The following ITPR1 variants were observed in gnomAD, a reference collection of about 807,000 sequenced individuals.
The protein encoded by ITPR1 is inositol 1,4,5-trisphosphate receptor type 1.
A neutral mutation model predicts 318.4 loss-of-function variants in ITPR1; 96 were observed. That is an observed-to-expected ratio of 0.30 (90% confidence interval 0.26 to 0.36). The LOEUF (loss-of-function observed/expected upper bound fraction) is 0.36, where lower values mean the gene tolerates loss of function less well. Among genes scored for constraint, ITPR1 ranks in the 10% least tolerant of loss-of-function variants. The probability of loss-of-function intolerance (pLI) is 1.00; values close to 1 mark genes in which losing one functional copy is unlikely to be tolerated. For synonymous variants in ITPR1, 1,312 were observed against 1,289.9 expected (o/e 1.02, Z -0.37); for missense variants, 2,440 against 3,460.2 (o/e 0.71, Z 7.40).
At chr3:4,714,563 T>A (rs1452935415) in intron 39 of ITPR1, among the ~76,000 whole-genome samples, 1 of 152,206 alleles carries the variant, frequency 6.6e-6, no homozygotes, top group African/African-American at 2.4e-5. Flanking sequence ...GAAGTCTAGA[T>A]GAGATCAAGA....
intron 3 of ITPR1, among the ~76,000 whole-genome samples, chr3:4,519,200 C>T (rs1233013355): frequency 6.6e-6 from 1 of 152,098 alleles, no homozygotes; most frequent in African/African-American, 2.4e-5. Flanking sequence ...CTTACCACTT[C>T]CTCCCCATTT....
intron 4 of ITPR1, among the ~76,000 whole-genome samples, chr3:4,543,190 A>C (rs1456053722): frequency 1.3e-5 from 2 of 150,166 alleles, no homozygotes; most frequent in Non-Finnish European, 3.0e-5. Flanking sequence ...GGATTGCTTG[A>C]CCCCAAGGCT....
At chr3:4,669,512 A>C (rs2094025906) in intron 18 of ITPR1, 142 bp from the exon 19 acceptor site, 1 of 665,752 alleles carries the variant, frequency 1.5e-6, no homozygotes, top group African/African-American at 1.9e-5. Context: ...TGATGCCATA[A>C]ACATTGGCAT....
intron 10 of ITPR1, among the ~76,000 whole-genome samples, chr3:4,648,241 T>G (rs1454573939): frequency 1.3e-5 from 2 of 152,222 alleles, no homozygotes; most frequent in Non-Finnish European, 2.9e-5. Flanking sequence ...AAGTTTTTGT[T>G]AATTCCCACC....
At chr3:4,728,780 A>G (rs2042704479) in intron 42 of ITPR1, among the ~76,000 whole-genome samples, 1 of 152,158 alleles carries the variant, frequency 6.6e-6, no homozygotes, top group Non-Finnish European at 1.5e-5. Flanking sequence ...GGGTAGCCAG[A>G]TGCACCTGTA....
chr3:4,502,294 A>G (rs1279933019), intron 2 of ITPR1, among the ~76,000 whole-genome samples: 1 of 152,210 alleles, frequency 6.6e-6, no homozygotes, highest in East Asian at 1.9e-4. Context: ...CCAGGGCCCT[A>G]AAACCTATTT....
In ITPR1 at chr3:4,685,146, G is replaced by A. The variant is rs769075214; in HGVS notation, c.3642G>A (p.Leu1214=). ...VRKSRKQQQR[L]LRNMGAHAVV... is the part of the protein sequence containing the mutation. Reference sequence around the variant, plus strand: ...AGAGCAGGAAGCAGCAACAGCGTCTGCTCCGGAACATGGGCGCGCACGCCG... The same window carrying A: ...AGAGCAGGAAGCAGCAACAGCGTCTACTCCGGAACATGGGCGCGCACGCCG... Residue 1214 remains leucine (L), a synonymous_variant, in exon 30 of 62, where the codon CTG becomes CTA. Transcript: ENST00000649015. 6.8e-6 allele frequency: 11 copies of A among 1,609,826 alleles called. No individual in the cohort carries two copies. The highest frequency in any genetic ancestry group is 1.7e-5 in the Admixed American group (1 of 59,716).
rs1575277442 is a variant in ITPR1 at position 4,794,884 on chromosome 3, A to G, written c.6809-181A>G. On this transcript the variant is annotated intron_variant, in intron 52 of 61. Coordinates refer to ENST00000649015, the MANE Select transcript of ITPR1 (RefSeq NM_001378452.1). ...GTTCCAGTAAGTACTCCACACAGAA[A>G]TAAACCAATCTGATGTCATTATGTA... 1.9e-5 allele frequency: 12 copies of G among 630,902 alleles called. No homozygotes were observed. The South Asian group carries it at 2.6e-4, about 14-fold the overall frequency. 39.1% of individuals were successfully genotyped at this position (630,902 alleles called of 1,614,324 possible).
At chr3:4,737,187 GT>G in intron 44 of ITPR1, among the ~76,000 whole-genome samples, 1 of 152,244 alleles carries the variant, frequency 6.6e-6, no homozygotes, top group East Asian at 1.9e-4. Context: ...AGCTTTACCA[GT>G]TTGAGAAATC....
chr3:4,537,944 T>C (rs1030685925), intron 4 of ITPR1, among the ~76,000 whole-genome samples: 1 of 152,220 alleles, frequency 6.6e-6, no homozygotes, highest in African/African-American at 2.4e-5. Flanking sequence ...CCCATGTTTT[T>C]TCTGTCTTAT....
intron 12 of ITPR1, among the ~76,000 whole-genome samples, chr3:4,655,921 C>T (rs957594534): frequency 2.6e-5 from 4 of 152,196 alleles, no homozygotes; most frequent in Non-Finnish European, 5.9e-5. Flanking sequence ...CCCCACCCCC[C>T]TCATACTCTT....
chr3:4,603,728 T>G (rs1193946756), intron 4 of ITPR1, among the ~76,000 whole-genome samples: 2 of 152,192 alleles, frequency 1.3e-5, no homozygotes, highest in African/African-American at 2.4e-5. Context: ...ACATTTTCTT[T>G]CACCAGTCCA....
At chr3:4,574,359 G>A (rs927524950) in intron 4 of ITPR1, among the ~76,000 whole-genome samples, 6 of 152,106 alleles carry the variant, frequency 3.9e-5, no homozygotes, top group African/African-American at 1.2e-4. Flanking sequence ...GCAATGCTTC[G>A]TTTGCACAAT....
intron 2 of ITPR1, among the ~76,000 whole-genome samples, chr3:4,500,482 G>A (rs1452621949): frequency 3.0e-5 from 4 of 131,892 alleles, no homozygotes; most frequent in Admixed American, 1.6e-4. Flanking sequence ...GATTACAGGC[G>A]TGAGACCATC....
At chr3:4,639,173 T>G (rs1009206272) in intron 5 of ITPR1, among the ~76,000 whole-genome samples, 3 of 152,112 alleles carry the variant, frequency 2.0e-5, no homozygotes, top group Non-Finnish European at 4.4e-5. Flanking sequence ...AAAAGCATTT[T>G]AAAGAAGGCA....
rs762270883 is a variant in ITPR1, at chr3:4,814,430, C to T, written c.7569C>T (p.Val2523=). 3 of 1,613,812 alleles carry T rather than the reference C, an allele frequency of 1.9e-6. No homozygotes were observed. The highest frequency in any genetic ancestry group is 3.3e-5 in the Admixed American group (2 of 59,996). ...CSSPAPREEL[V]PAEETEQDKE... is the part of the protein sequence containing the mutation. ...TACTTGCCGTGTTCACAGAGCTGGT[C>T]CCTGCAGAAGAGACGGAACAGGATA... The change falls in exon 58 of 62, where the codon GTC becomes GTT. Residue 2523 remains valine (V), a synonymous_variant. Transcript: ENST00000649015.
intron 33 of ITPR1, among the ~76,000 whole-genome samples, chr3:4,695,560 C>A (rs148535752): frequency 2.6e-5 from 4 of 152,172 alleles, no homozygotes; most frequent in Non-Finnish European, 5.9e-5. Flanking sequence ...CTCACCTCCC[C>A]CAAGGGCTGT....
intron 60 of ITPR1, 148 bp from the exon 61 acceptor site, chr3:4,836,626 A>C (rs1334403978): frequency 1.0e-5 from 8 of 765,844 alleles, no homozygotes; most frequent in Non-Finnish European, 1.8e-6. Flanking sequence ...CAATTAAAAA[A>C]ATACACAGCA....
At chr3:4,739,539 T>C (rs2043546283) in intron 44 of ITPR1, among the ~76,000 whole-genome samples, 1 of 152,176 alleles carries the variant, frequency 6.6e-6, no homozygotes, top group Non-Finnish European at 1.5e-5. Context: ...TAGGGAACGC[T>C]GGGCACAGTG....
Sources: allele counts gnomAD v4.1 joint callset (sites outside exome capture counted in the v4.1 genomes callset), GRCh38; gene constraint gnomAD v4.1.1; transcripts MANE v1.5; gene names NCBI Gene and HGNC (gene_info 2026-07-23, HGNC 2026-07-21).